The following CADPS2 variants were observed in gnomAD, a reference collection of about 807,000 sequenced individuals.
The protein encoded by CADPS2 is calcium dependent secretion activator 2.
Under a neutral mutation model 172.5 loss-of-function variants are expected in CADPS2, and 93 were observed. That is an observed-to-expected ratio of 0.54 (90% CI 0.46 to 0.64). The LOEUF is 0.64. Among genes scored for constraint, CADPS2 ranks in the 30% least tolerant of loss-of-function variants. The pLI, the probability that CADPS2 is intolerant of heterozygous loss-of-function variation, is 0.00. For synonymous variants in CADPS2, 546 were observed against 555.2 expected, an observed-to-expected ratio of 0.98 and a Z score of 0.23; for missense variants, 1,420 against 1,565.9, an observed-to-expected ratio of 0.91 and a Z score of 1.57.
At chr7:122,338,403 C>G (rs1049381639) in intron 28 of CADPS2, among the ~76,000 whole-genome samples, 1 of 151,506 alleles carries the variant, frequency 6.6e-6, no homozygotes, top group African/African-American at 2.4e-5. Flanking sequence ...CAGAAAAAAA[C>G]AAACAAACAA....
At chr7:122,565,414 G>A (rs117107007) in intron 7 of CADPS2, among the ~76,000 whole-genome samples, 2,409 of 152,214 alleles carry the variant, frequency 0.016, 31 homozygotes, top group Middle Eastern at 0.027. Context: ...AGATAGTGGG[G>A]AATAAGGTCA....
At chr7:122,530,552 GTGCTTTA>G (rs2061671678) in intron 8 of CADPS2, among the ~76,000 whole-genome samples, 2 of 151,708 alleles carry the variant, frequency 1.3e-5, no homozygotes, top group Admixed American at 1.3e-4. Flanking sequence ...TCTAAGTATT[GTGCTTTA>G]TGCTTTACAT....
At chr7:122,593,350 T>C (rs550299254) in intron 6 of CADPS2, among the ~76,000 whole-genome samples, 1 of 152,116 alleles carries the variant, frequency 6.6e-6, no homozygotes, top group East Asian at 1.9e-4. Flanking sequence ...AAAAGAGCCA[T>C]TACCTGAGCC....
At chr7:122,871,257 G>A (rs1267340681) in intron 1 of CADPS2, among the ~76,000 whole-genome samples, 1 of 151,590 alleles carries the variant, frequency 6.6e-6, no homozygotes, top group African/African-American at 2.4e-5. Context: ...CACATGTTGA[G>A]TTTTCTCTTT....
chr7:122,591,121 A>G (rs1023202658), intron 6 of CADPS2, among the ~76,000 whole-genome samples: 9 of 152,112 alleles, frequency 5.9e-5, no homozygotes, highest in Non-Finnish European at 7.4e-5. Context: ...TTAAGCTGAT[A>G]AGCAACTTCA....
intron 1 of CADPS2, among the ~76,000 whole-genome samples, chr7:122,772,943 G>C (rs1242969011): frequency 6.6e-6 from 1 of 152,036 alleles, no homozygotes; most frequent in Non-Finnish European, 1.5e-5. Context: ...CAAAATTTCT[G>C]TTTATCAAAA....
chr7:122,570,190 AAAAC>A (rs1321497421), intron 7 of CADPS2, among the ~76,000 whole-genome samples: 53 of 151,880 alleles, frequency 3.5e-4, no homozygotes, highest in Admixed American at 3.2e-3. Flanking sequence ...TTACAAGAAA[AAAAC>A]AAACAAGCCC....
intron 3 of CADPS2, among the ~76,000 whole-genome samples, chr7:122,662,628 C>G (rs111719766): frequency 0.012 from 1,875 of 152,242 alleles, 41 homozygotes; most frequent in African/African-American, 0.043. Flanking sequence ...CCCGCCTCAG[C>G]CTCCCAAAGC....
At chr7:122,547,198 A>C (rs2063717985) in intron 8 of CADPS2, among the ~76,000 whole-genome samples, 1 of 152,126 alleles carries the variant, frequency 6.6e-6, no homozygotes, top group Non-Finnish European at 1.5e-5. Context: ...TTCTTCCTAC[A>C]GTTCAACCAC....
chr7:122,553,678 C>G (rs190229203), intron 8 of CADPS2, among the ~76,000 whole-genome samples: 37 of 152,104 alleles, frequency 2.4e-4, no homozygotes, highest in African/African-American at 7.5e-4. Context: ...TCGCTCCACC[C>G]TGATGTTAGT....
At chr7:122,631,386 TG>T (rs1298294079) in intron 3 of CADPS2, among the ~76,000 whole-genome samples, 8 of 152,276 alleles carry the variant, frequency 5.3e-5, no homozygotes, top group African/African-American at 1.9e-4. Context: ...TAAGTGAAAT[TG>T]TTTGAGTTAT....
Position 122,663,325 on chromosome 7 carries a change from A to G in CADPS2, c.698T>C (p.Ile233Thr), listed in dbSNP as rs755622597. ...RMALSAVSEL[I>T]LSKEQLYEMF... ...TTCATAGAGTTGTTCCTTGCTCAGA[A>G]TAAGTTCAGACACTGCACTTAGGGC... Residue 233 changes from isoleucine (I) to threonine (T), a missense_variant, in exon 3 of 30, where the codon ATT becomes ACT. Physicochemically the swap from Ile to Thr is moderately conservative, Grantham distance 89. Coordinates refer to ENST00000449022, the MANE Select transcript of CADPS2 (RefSeq NM_017954.11). 30 of 1,613,794 alleles carry G rather than the reference A, an allele frequency of 1.9e-5. No homozygotes were observed. Among genetic ancestry groups the G allele is most frequent in the Admixed American group, 5.0e-5 (3 of 59,992 alleles).
intron 24 of CADPS2, among the ~76,000 whole-genome samples, chr7:122,379,856 A>G (rs954527490): frequency 2.6e-5 from 4 of 152,164 alleles, no homozygotes; most frequent in African/African-American, 9.6e-5. Flanking sequence ...ACTCTCATTC[A>G]TAAGTTATTT....
chr7:122,491,451 G>C (rs1366804460), intron 9 of CADPS2, 31 bp from the exon 10 acceptor site: 1 of 1,285,438 alleles, frequency 7.8e-7, no homozygotes, highest in Non-Finnish European at 1.1e-6. Flanking sequence ...TTACAGATTA[G>C]TCACATTAAA....
chr7:122,845,505 T>C (rs1227155528), intron 1 of CADPS2, among the ~76,000 whole-genome samples: 1 of 152,194 alleles, frequency 6.6e-6, no homozygotes, highest in African/African-American at 2.4e-5. Context: ...TTTTAAACTC[T>C]TGCCAACCCC....
chr7:122,538,264 GA>G (rs2062531082), intron 8 of CADPS2, among the ~76,000 whole-genome samples: 1 of 150,422 alleles, frequency 6.6e-6, no homozygotes, highest in Admixed American at 6.6e-5. Flanking sequence ...GAACAGTGAA[GA>G]AAAAAATTAT....
At chr7:122,697,909 T>C in intron 2 of CADPS2, 1 of 1,613,870 alleles carries the variant, frequency 6.2e-7, no homozygotes, top group South Asian at 1.1e-5. Context: ...AACTTCATTA[T>C]TTGTCTCCTC....
intron 7 of CADPS2, among the ~76,000 whole-genome samples, chr7:122,574,218 G>A (rs913169046): frequency 4.6e-5 from 7 of 151,800 alleles, no homozygotes; most frequent in Non-Finnish European, 1.0e-4. Context: ...GGCTGAGGTG[G>A]GAGGATTTCT....
chr7:122,740,554 T>C (rs1272048972), intron 1 of CADPS2, among the ~76,000 whole-genome samples: 3 of 152,062 alleles, frequency 2.0e-5, no homozygotes, highest in Non-Finnish European at 4.4e-5. Flanking sequence ...AGGCTATGCA[T>C]GTGTGGGGGC....
Sources: allele counts gnomAD v4.1 joint callset (sites outside exome capture counted in the v4.1 genomes callset), GRCh38; gene constraint gnomAD v4.1.1; transcripts MANE v1.5; gene names NCBI Gene and HGNC (gene_info 2026-07-23, HGNC 2026-07-21).